CNGB3: variants seen among roughly 807,000 people sequenced by gnomAD.
CNGB3 encodes the protein cyclic nucleotide gated channel subunit beta 3.
In CNGB3, 86 loss-of-function variants were observed where a neutral mutation model predicts 92.8. The ratio of observed to expected loss-of-function variants is 0.93; its 90% CI spans 0.78 to 1.11. CNGB3 has a LOEUF of 1.11. Among genes scored for constraint, CNGB3 ranks in the 50% least tolerant of loss-of-function variants. The pLI, the probability that CNGB3 is intolerant of heterozygous loss-of-function variation, is 0.00. For synonymous variants in CNGB3, 333 were observed against 332.7 expected, an observed-to-expected ratio of 1.00 and a Z score of -0.01; for missense variants, 1,026 against 956.8, an observed-to-expected ratio of 1.07 and a Z score of -0.95.
rs1199806537 is a variant in CNGB3, at chr8:86,575,939, T to C, written c.2295A>G (p.Glu765=). The change falls in exon 18 of 18, where the codon GAA becomes GAG. Residue 765 remains glutamate, a synonymous_variant. Coordinates refer to ENST00000320005, the MANE Select transcript of CNGB3 (RefSeq NM_019098.5). ...CTGTCCTTCTAACTGAGTGGGGTTC[T>C]TCCTCCACTGCAATAGGACTTGCTG... is the stretch of plus-strand genomic sequence containing the variant. The part of the protein sequence containing the change: ...ECTASPIAVE[E]EPHSVRRTVL... 2 of 1,613,972 alleles carry C rather than the reference T, an allele frequency of 1.2e-6. No homozygotes were observed. The highest frequency in any genetic ancestry group is 1.7e-6 in the Non-Finnish European group (2 of 1,179,980).
intron 3 of CNGB3, among the ~76,000 whole-genome samples, chr8:86,680,354 G>A (rs550442968): frequency 3.3e-5 from 5 of 152,310 alleles, no homozygotes; most frequent in African/African-American, 1.2e-4. Context: ...GCTCAGAACA[G>A]TGTTGATGTT....
chr8:86,685,683 G>T (rs1336237291), intron 3 of CNGB3, among the ~76,000 whole-genome samples: 1 of 152,114 alleles, frequency 6.6e-6, no homozygotes, highest in Non-Finnish European at 1.5e-5. Flanking sequence ...CATATATGCA[G>T]ATAGGTGATA....
intron 10 of CNGB3, among the ~76,000 whole-genome samples, chr8:86,639,968 C>T (rs1823149239): frequency 6.6e-6 from 1 of 151,938 alleles, no homozygotes; most frequent in African/African-American, 2.4e-5. Context: ...AGGTTTGGGC[C>T]TAGAAAATGA....
intron 3 of CNGB3, among the ~76,000 whole-genome samples, chr8:86,721,279 T>C (rs1435296150): frequency 6.6e-6 from 1 of 152,114 alleles, no homozygotes; most frequent in Non-Finnish European, 1.5e-5. Context: ...CTGGCCAGAA[T>C]TGGAGACTCT....
chr8:86,586,123 G>C (rs949201386), intron 15 of CNGB3, among the ~76,000 whole-genome samples: 5 of 151,996 alleles, frequency 3.3e-5, no homozygotes, highest in African/African-American at 1.2e-4. Context: ...AAAAGAAAAG[G>C]AAAAAGATAA....
At position 86,668,302 on chromosome 8, in the gene CNGB3, C is replaced by A. The variant is rs1187893069; in HGVS notation, c.494-134G>T. On this transcript the variant is annotated intron_variant, in intron 4 of 17. Transcript: ENST00000320005. The stretch of plus-strand genomic sequence containing the variant: ...GTTGAACAATGAGAACATATGGGCA[C>A]AGGGAGGGGAACATCACACACTGGG... 6 of 690,884 alleles carry A rather than the reference C, an allele frequency of 8.7e-6. No individual in the cohort carries two copies. In the East Asian group the frequency reaches 1.9e-4, roughly 22 times the overall value. 42.8% of individuals were successfully genotyped at this position (690,884 alleles called of 1,614,324 possible).
intron 11 of CNGB3, 22 bp from the exon 12 acceptor site, chr8:86,629,100 C>G (rs1393126702): frequency 6.2e-7 from 1 of 1,613,660 alleles, no homozygotes; most frequent in Non-Finnish European, 8.5e-7. Context: ...AATATGGTCA[C>G]TCCACGCCCA....
At position 86,575,997 on chromosome 8, in the gene CNGB3, G is replaced by A. The variant is rs769748710; in HGVS notation, c.2237C>T (p.Pro746Leu). 1.2e-6 allele frequency: 2 copies of A among 1,613,490 alleles called. No homozygotes were observed. Among genetic ancestry groups the A allele is most frequent in the African/African-American group, 2.7e-5 (2 of 74,796 alleles). ...ENEDKDKGRE[P>L]EEKPLDRPEC... ...AGGTCTGTCCAGTGGCTTCTCTTCT[G>A]GCTCTCTTCCTTTATCTTTATCTTC... is the stretch of plus-strand genomic sequence containing the variant. The change falls in exon 18 of 18, where the codon CCA becomes CTA. Residue 746 changes from proline to leucine, a missense_variant. By Grantham distance (98) the Pro-to-Leu change is moderately conservative. Coordinates refer to ENST00000320005, the MANE Select transcript of CNGB3 (RefSeq NM_019098.5).
Position 86,636,551 on chromosome 8 carries a change from T to C in CNGB3, c.1179-3658A>G, listed in dbSNP as rs377056130. Among the ~76,000 whole-genome samples the C allele has an allele frequency of 9.7e-4, 102 of 105,052 alleles. 1 individual carries two copies. The South Asian group carries it at 0.017, about 17-fold the overall frequency. 68.9% of individuals were successfully genotyped at this position (105,052 alleles called of 152,430 possible). ...TGGTGCCACTGCACTCTAGCCGGGGTGACAGAGTAAGACCCTGTCTCAAAA... is the reference window on the plus strand; with the variant it reads ...TGGTGCCACTGCACTCTAGCCGGGGCGACAGAGTAAGACCCTGTCTCAAAA... On this transcript the variant is annotated intron_variant, in intron 10 of 17. Transcript: ENST00000320005.
At chr8:86,626,261 T>C (rs1822846275) in intron 12 of CNGB3, among the ~76,000 whole-genome samples, 181 bp from the exon 13 acceptor site, 1 of 152,112 alleles carries the variant, frequency 6.6e-6, no homozygotes, top group African/African-American at 2.4e-5. Context: ...CCTATTACAA[T>C]AACACTATTA....
intron 6 of CNGB3, chr8:86,661,497 A>C: frequency 1.6e-6 from 1 of 636,554 alleles, no homozygotes; most frequent in Non-Finnish European, 3.0e-6. Flanking sequence ...TGAAACTTGC[A>C]CTGACCCAAA....
intron 17 of CNGB3, among the ~76,000 whole-genome samples, chr8:86,576,788 A>C (rs1821670019): frequency 6.6e-6 from 1 of 152,206 alleles, no homozygotes; most frequent in African/African-American, 2.4e-5. Context: ...TGAGATTCTT[A>C]ACACATTTAC....
chr8:86,598,819 T>C (rs929410697), intron 15 of CNGB3, among the ~76,000 whole-genome samples: 3 of 152,146 alleles, frequency 2.0e-5, no homozygotes, highest in Non-Finnish European at 4.4e-5. Context: ...TCAAGATAAT[T>C]CAGGATGATC....
intron 4 of CNGB3, 88 bp from the exon 5 acceptor site, chr8:86,668,256 T>A: frequency 7.4e-7 from 1 of 1,353,998 alleles, no homozygotes; most frequent in South Asian, 1.2e-5. Flanking sequence ...AAACACCGCA[T>A]GTTCTCACTC....
chr8:86,705,894 T>A (rs1263789097), intron 3 of CNGB3, among the ~76,000 whole-genome samples: 1 of 152,220 alleles, frequency 6.6e-6, no homozygotes, highest in Non-Finnish European at 1.5e-5. Context: ...CAGAACCAGA[T>A]GCTCATTTGA....
chr8:86,660,576 G>T (rs1823619619), intron 6 of CNGB3: 3 of 534,090 alleles, frequency 5.6e-6, no homozygotes, highest in Admixed American at 3.9e-5. Context: ...GCTCTTGCTA[G>T]ATTATATTGA....
At chr8:86,733,655 C>G (rs1390546313) in intron 2 of CNGB3, among the ~76,000 whole-genome samples, 1 of 152,162 alleles carries the variant, frequency 6.6e-6, no homozygotes, top group African/African-American at 2.4e-5. Flanking sequence ...GTAGTACTTC[C>G]TATGCATGTC....
chr8:86,660,267 C>T (rs1478183129), intron 6 of CNGB3: 2 of 311,584 alleles, frequency 6.4e-6, no homozygotes, highest in Admixed American at 4.3e-5. Flanking sequence ...AGCCAATTTG[C>T]TCTGTAGGGT....
intron 10 of CNGB3, among the ~76,000 whole-genome samples, chr8:86,641,251 C>A (rs765912890): frequency 3.1e-4 from 47 of 152,070 alleles, no homozygotes; most frequent in Middle Eastern, 6.8e-3. Context: ...GAATTGCCTA[C>A]CCCTTTCCCT....
Sources: allele counts gnomAD v4.1 joint callset (sites outside exome capture counted in the v4.1 genomes callset), GRCh38; gene constraint gnomAD v4.1.1; transcripts MANE v1.5; gene names NCBI Gene and HGNC (gene_info 2026-07-23, HGNC 2026-07-21).